Variants in GAREM1 observed in about 807,000 individuals in gnomAD.
The protein encoded by GAREM1 is GRB2 associated regulator of MAPK1 subtype 1, also known as GRB2-associated and regulator of MAPK protein 1.
A neutral mutation model predicts 71.3 loss-of-function variants in GAREM1; 26 were observed. The observed-to-expected ratio is 0.36, with a 90% confidence interval of 0.27 to 0.51. GAREM1 has a LOEUF of 0.51. Among genes scored for constraint, GAREM1 ranks in the 20% least tolerant of loss-of-function variants. GAREM1 has a pLI of 0.95. For synonymous variants in GAREM1, 440 were observed against 433.2 expected, an observed-to-expected ratio of 1.02 and a Z score of -0.20; for missense variants, 1,026 against 1,103.1, an observed-to-expected ratio of 0.93 and a Z score of 0.99.
At chr18:32,283,276 G>C (rs988092224) in intron 4 of GAREM1, among the ~76,000 whole-genome samples, 1 of 152,224 alleles carries the variant, frequency 6.6e-6, no homozygotes, top group African/African-American at 2.4e-5. Flanking sequence ...TGGGCGCAGA[G>C]GCTCATGCCT....
intron 2 of GAREM1, among the ~76,000 whole-genome samples, chr18:32,356,690 C>A (rs985565791): frequency 6.6e-6 from 1 of 152,156 alleles, no homozygotes; most frequent in African/African-American, 2.4e-5. Flanking sequence ...ACCAATTTTA[C>A]AAGGTAGAAA....
chr18:32,300,568 T>A (rs1051375751), intron 3 of GAREM1, among the ~76,000 whole-genome samples: 3 of 152,124 alleles, frequency 2.0e-5, no homozygotes, highest in Admixed American at 2.0e-4. Flanking sequence ...AAGAGTAGAA[T>A]CACAAGCGGC....
At chr18:32,427,578 T>C (rs1249767125) in intron 1 of GAREM1, among the ~76,000 whole-genome samples, 6 of 152,184 alleles carry the variant, frequency 3.9e-5, no homozygotes, top group Non-Finnish European at 7.3e-5. Context: ...GGCAGCAACA[T>C]GCTTATCACC....
intron 4 of GAREM1, among the ~76,000 whole-genome samples, chr18:32,281,697 G>A (rs969978982): frequency 1.3e-4 from 20 of 152,114 alleles, no homozygotes; most frequent in African/African-American, 4.8e-4. Flanking sequence ...GATGGAGGCC[G>A]GGCACGGTGG....
Position 32,267,558 on chromosome 18 carries a change from T to A in GAREM1, c.*313A>T. 1 of 205,468 alleles carries A rather than the reference T, an allele frequency of 4.9e-6. No homozygotes were observed. Among genetic ancestry groups the A allele is most frequent in the Non-Finnish European group, 9.6e-6 (1 of 103,992 alleles). 12.7% of individuals were successfully genotyped at this position (205,468 alleles called of 1,614,324 possible). On this transcript the variant is annotated 3_prime_UTR_variant, in exon 6 of 6. Coordinates refer to ENST00000269209, the MANE Select transcript of GAREM1 (RefSeq NM_001242409.2). ...CCAGCTTTGGCTATTTTGTAATAAA[T>A]ATCATACCTTCTCACATAAACCTAC...
intron 2 of GAREM1, among the ~76,000 whole-genome samples, chr18:32,320,478 T>G (rs1042104188): frequency 1.3e-5 from 2 of 151,696 alleles, no homozygotes; most frequent in African/African-American, 4.8e-5. Context: ...GGAAGTGGAG[T>G]TGGGGGAAAG....
At chr18:32,386,466 C>G (rs1004905070) in intron 2 of GAREM1, among the ~76,000 whole-genome samples, 4 of 152,192 alleles carry the variant, frequency 2.6e-5, no homozygotes, top group African/African-American at 9.6e-5. Context: ...TACTTCTGTA[C>G]ATATTACAAC....
intron 1 of GAREM1, among the ~76,000 whole-genome samples, chr18:32,443,163 A>G (rs1233696832): frequency 6.6e-6 from 1 of 152,182 alleles, no homozygotes; most frequent in Non-Finnish European, 1.5e-5. Context: ...TCAAATACCC[A>G]AATGTATGAG....
chr18:32,437,263 T>C (rs72933545), intron 1 of GAREM1, among the ~76,000 whole-genome samples: 32,940 of 152,036 alleles, frequency 0.22, 4,220 homozygotes, highest in East Asian at 0.38. Context: ...GTAGCTCCTG[T>C]GCTTGCTTTC....
At chr18:32,315,545 A>G (rs1283246903) in intron 2 of GAREM1, among the ~76,000 whole-genome samples, 3 of 148,826 alleles carry the variant, frequency 2.0e-5, no homozygotes, top group Non-Finnish European at 4.5e-5. Context: ...AGATATATAT[A>G]TATATACTTT....
chr18:32,298,959 T>A (rs1454854774), intron 3 of GAREM1, among the ~76,000 whole-genome samples: 1 of 151,932 alleles, frequency 6.6e-6, no homozygotes, highest in African/African-American at 2.4e-5. Context: ...ATATTTTTTT[T>A]AACACAAAAT....
chr18:32,341,463 G>C (rs1017027131), intron 2 of GAREM1, among the ~76,000 whole-genome samples: 1 of 152,146 alleles, frequency 6.6e-6, no homozygotes, highest in African/African-American at 2.4e-5. Flanking sequence ...CTTTACAGCA[G>C]CATGATTTAT....
intron 1 of GAREM1, among the ~76,000 whole-genome samples, chr18:32,427,157 T>C (rs571871913): frequency 6.6e-6 from 1 of 152,272 alleles, no homozygotes; most frequent in African/African-American, 2.4e-5. Context: ...ACATTTGCAC[T>C]GCAAATCAAT....
chr18:32,442,868 T>C (rs890248380), intron 1 of GAREM1, among the ~76,000 whole-genome samples: 2 of 152,188 alleles, frequency 1.3e-5, no homozygotes, highest in Non-Finnish European at 2.9e-5. Flanking sequence ...CCTTCAGCAC[T>C]ACACTGACTT....
intron 1 of GAREM1, among the ~76,000 whole-genome samples, chr18:32,396,222 G>A (rs1333362137): frequency 3.9e-5 from 6 of 152,158 alleles, no homozygotes. Context: ...AAAAAACAGA[G>A]CAGAAAAGCT....
chr18:32,303,177 T>G (rs2144504212), intron 3 of GAREM1, among the ~76,000 whole-genome samples: 1 of 152,328 alleles, frequency 6.6e-6, no homozygotes, highest in Middle Eastern at 3.4e-3. Flanking sequence ...AAAGTATGGA[T>G]CTCACTAACT....
chr18:32,327,131 G>A (rs990102738), intron 2 of GAREM1, among the ~76,000 whole-genome samples: 1 of 152,158 alleles, frequency 6.6e-6, no homozygotes, highest in Admixed American at 6.6e-5. Context: ...TTCTGATATT[G>A]TACAAAGGGG....
intron 2 of GAREM1, among the ~76,000 whole-genome samples, chr18:32,374,535 CA>C (rs766121119): frequency 6.6e-6 from 1 of 152,100 alleles, no homozygotes; most frequent in Non-Finnish European, 1.5e-5. Context: ...CCAACAAAAG[CA>C]ATTAAAATTT....
rs1054042577 is a variant in GAREM1, at chr18:32,470,007, G to A, written c.121+301C>T. ...CCCTGGTTGAGTAATTCTTGCAGGA[G>A]GGTGGGGAGGGATATCTGGCGTCCA... On this transcript the variant is annotated intron_variant, in intron 1 of 5. Transcript: ENST00000269209. This position sits in a 1 kb window ranked among gnomAD's most constrained non-coding sequence, Gnocchi z 4.4. Among the ~76,000 whole-genome samples the A allele has an allele frequency of 1.3e-5, 2 of 152,184 alleles. No homozygotes were observed. The highest frequency in any genetic ancestry group is 1.3e-4 in the Admixed American group (2 of 15,278).
Sources: allele counts gnomAD v4.1 joint callset (sites outside exome capture counted in the v4.1 genomes callset), GRCh38; gene constraint gnomAD v4.1.1; non-coding constraint Gnocchi (gnomAD v3.1); transcripts MANE v1.5; gene names NCBI Gene and HGNC (gene_info 2026-07-23, HGNC 2026-07-21).